The following MCPH1 variants were observed in gnomAD, a reference collection of about 807,000 sequenced individuals.
The protein encoded by MCPH1 is microcephalin.
Under a neutral mutation model 84.5 loss-of-function variants are expected in MCPH1, and 104 were observed. That is an observed-to-expected ratio of 1.23 (90% CI 1.05 to 1.45). MCPH1 has a LOEUF of 1.45. Among genes scored for constraint, MCPH1 ranks in the 40% most tolerant of loss-of-function variants. The pLI, the probability that MCPH1 is intolerant of heterozygous loss-of-function variation, is 0.00. For synonymous variants in MCPH1, 514 were observed against 366.8 expected (o/e 1.40, Z -4.58); for missense variants, 1,498 against 1,005.7 (o/e 1.49, Z -6.62).
chr8:6,599,721 C>A (rs893817068), intron 12 of MCPH1, among the ~76,000 whole-genome samples: 1 of 152,138 alleles, frequency 6.6e-6, no homozygotes, highest in Non-Finnish European at 1.5e-5. Context: ...TTTTTATCTT[C>A]ATTTTGTTTT....
chr8:6,470,315 GCT>G (rs1563252957), intron 9 of MCPH1, among the ~76,000 whole-genome samples: 5 of 151,340 alleles, frequency 3.3e-5, no homozygotes. Flanking sequence ...ACAAAGTCTC[GCT>G]CTGTCACCCA....
At chr8:6,556,905 C>A (rs1372606700) in intron 12 of MCPH1, among the ~76,000 whole-genome samples, 1 of 152,094 alleles carries the variant, frequency 6.6e-6, no homozygotes, top group African/African-American at 2.4e-5. Context: ...ATTTTCTTCC[C>A]CCTCTGACTT....
chr8:6,593,075 G>A (rs1261502574), intron 12 of MCPH1, among the ~76,000 whole-genome samples: 1 of 135,184 alleles, frequency 7.4e-6, no homozygotes, highest in Non-Finnish European at 1.5e-5. Flanking sequence ...TGTTTTTTAG[G>A]GTGTGGTTTT....
chr8:6,496,379 T>C (rs950319057), intron 11 of MCPH1, among the ~76,000 whole-genome samples: 11 of 152,156 alleles, frequency 7.2e-5, no homozygotes, highest in African/African-American at 2.7e-4. Context: ...GAGGCTTCCT[T>C]CACTGGTTCA....
chr8:6,463,428 CAT>C (rs1806500903), intron 9 of MCPH1, among the ~76,000 whole-genome samples: 1 of 152,142 alleles, frequency 6.6e-6, no homozygotes, highest in African/African-American at 2.4e-5. Flanking sequence ...ATTTCTCAGT[CAT>C]ATGGAAAGCT....
At chr8:6,463,497 A>G (rs117069319) in intron 9 of MCPH1, among the ~76,000 whole-genome samples, 2,048 of 152,330 alleles carry the variant, frequency 0.013, 25 homozygotes, top group Admixed American at 0.021. Flanking sequence ...GAGGCAGTAG[A>G]TTGGGAATTA....
chr8:6,563,742 A>G (rs1345807761), intron 12 of MCPH1, among the ~76,000 whole-genome samples: 1 of 152,194 alleles, frequency 6.6e-6, no homozygotes. Flanking sequence ...CATTGATTTT[A>G]GTTGATTCTT....
chr8:6,577,423 A>G (rs530624085), intron 12 of MCPH1, among the ~76,000 whole-genome samples: 1 of 152,358 alleles, frequency 6.6e-6, no homozygotes, highest in South Asian at 2.1e-4. Flanking sequence ...TCCTGGGGTA[A>G]ACACATTCAC....
At chr8:6,568,517 A>C (rs781773247) in intron 12 of MCPH1, among the ~76,000 whole-genome samples, 1 of 152,208 alleles carries the variant, frequency 6.6e-6, no homozygotes, top group Non-Finnish European at 1.5e-5. Context: ...GCATTTATCC[A>C]GATCAAGGGA....
At chr8:6,575,722 G>C (rs1827021505) in intron 12 of MCPH1, among the ~76,000 whole-genome samples, 2 of 152,240 alleles carry the variant, frequency 1.3e-5, no homozygotes, top group Non-Finnish European at 1.5e-5. Flanking sequence ...GAGTGGAGTG[G>C]GCCCCTAATC....
intron 12 of MCPH1, among the ~76,000 whole-genome samples, chr8:6,613,824 A>G (rs1278441181): frequency 6.6e-6 from 1 of 152,104 alleles, no homozygotes; most frequent in South Asian, 2.1e-4. Flanking sequence ...GGACGCTTTG[A>G]GGTGGCAGCC....
At chr8:6,604,256 C>T (rs942524832) in intron 12 of MCPH1, among the ~76,000 whole-genome samples, 1 of 152,204 alleles carries the variant, frequency 6.6e-6, no homozygotes, top group Non-Finnish European at 1.5e-5. Context: ...CCACGGAGCC[C>T]TGTTCTCAGC....
intron 12 of MCPH1, among the ~76,000 whole-genome samples, chr8:6,523,506 G>A (rs1256262789): frequency 1.3e-5 from 2 of 152,188 alleles, no homozygotes; most frequent in African/African-American, 2.4e-5. Context: ...AGAGAGTAGA[G>A]ACTATGTATT....
At position 6,480,956 on chromosome 8, in the gene MCPH1, A is replaced by G. The variant is rs535639991; in HGVS notation, c.2136+80A>G. The G allele has an allele frequency of 3.3e-6, 5 of 1,518,750 alleles. No individual in the cohort carries two copies. In the Admixed American group the frequency reaches 5.0e-5, roughly 15 times the overall value. 94.1% of individuals were successfully genotyped at this position (1,518,750 alleles called of 1,614,324 possible). ...GTCACCCTGAGGTGCCGACATCAGC[A>G]CTCAGGCCGGCGTGCACCCTTGTGG... On this transcript the variant is annotated intron_variant, in intron 11 of 13. Coordinates refer to ENST00000344683, the MANE Select transcript of MCPH1 (RefSeq NM_024596.5).
chr8:6,558,444 A>T (rs2129575554), intron 12 of MCPH1, among the ~76,000 whole-genome samples: 1 of 152,330 alleles, frequency 6.6e-6, no homozygotes, highest in African/African-American at 2.4e-5. Flanking sequence ...ACAAAATTTC[A>T]ATTATTTTAT....
intron 2 of MCPH1, among the ~76,000 whole-genome samples, chr8:6,413,305 C>A (rs1293899343): frequency 1.3e-5 from 2 of 151,910 alleles, no homozygotes; most frequent in African/African-American, 4.8e-5. Context: ...ATCCTCTTCA[C>A]CTTGATTACC....
intron 12 of MCPH1, among the ~76,000 whole-genome samples, chr8:6,531,491 C>T (rs1280515278): frequency 6.6e-6 from 1 of 152,054 alleles, no homozygotes; most frequent in African/African-American, 2.4e-5. Context: ...GGGTTTTCGC[C>T]ATGTTGGCCA....
chr8:6,644,664 C>G lies in MCPH1; in HGVS notation c.*1615C>G, dbSNP rs939863536. On this transcript the variant is annotated 3_prime_UTR_variant, in exon 14 of 14. Transcript: ENST00000344683. ...GGATCTCTACAAGGAGAACCATAAA[C>G]GAGATGCTGAGTCCCAGCGAGGTCG... The G allele has an allele frequency of 6.6e-6, 1 of 152,146 alleles. No individual in the cohort carries two copies. The highest frequency in any genetic ancestry group is 2.4e-5 in the African/African-American group (1 of 41,430). The allele number at this position is 152,146 out of a possible 1,614,324, so 9.4% of individuals were successfully genotyped here. A position where few individuals can be genotyped will look rare whatever the true frequency, so the allele number is the denominator to read the frequency against.
At chr8:6,611,576 T>G (rs944618916) in intron 12 of MCPH1, among the ~76,000 whole-genome samples, 3 of 152,130 alleles carry the variant, frequency 2.0e-5, no homozygotes, top group Admixed American at 6.5e-5. Context: ...TGCACCAGGG[T>G]GTGTTCAACC....
Sources: allele counts gnomAD v4.1 joint callset (sites outside exome capture counted in the v4.1 genomes callset), GRCh38; gene constraint gnomAD v4.1.1; transcripts MANE v1.5; gene names NCBI Gene and HGNC (gene_info 2026-07-23, HGNC 2026-07-21).